Variants in CCDC148 observed in about 807,000 individuals in gnomAD.
CCDC148 encodes the protein coiled-coil domain containing 148, also known as coiled-coil domain-containing protein 148.
In CCDC148, 89 loss-of-function variants were observed where a neutral mutation model predicts 85.7. The observed-to-expected ratio is 1.04, with a 90% CI of 0.87 to 1.24. CCDC148 has a LOEUF of 1.24. Among genes scored for constraint, CCDC148 ranks in the 50% most tolerant of loss-of-function variants. The probability of loss-of-function intolerance (pLI) is 0.00; values close to 1 mark genes in which losing one functional copy is unlikely to be tolerated. For missense variants in CCDC148, 692 were observed against 671.7 expected, an observed-to-expected ratio of 1.03 and a Z score of -0.33; for synonymous variants, 230 against 213.9, an observed-to-expected ratio of 1.08 and a Z score of -0.66.
At chr2:158,255,680 T>A (rs928150494) in intron 9 of CCDC148, among the ~76,000 whole-genome samples, 1 of 151,746 alleles carries the variant, frequency 6.6e-6, no homozygotes, top group Non-Finnish European at 1.5e-5. Flanking sequence ...AACATTTTAG[T>A]AGTTTTATTT....
chr2:158,388,607 GC>G (rs1194598080), intron 1 of CCDC148, among the ~76,000 whole-genome samples: 1 of 152,008 alleles, frequency 6.6e-6, no homozygotes, highest in Non-Finnish European at 1.5e-5. Context: ...CGATTCTCCT[GC>G]CCCAGCCTCC....
chr2:158,348,688 G>A (rs1340449632), intron 2 of CCDC148, among the ~76,000 whole-genome samples: 1 of 151,874 alleles, frequency 6.6e-6, no homozygotes, highest in Non-Finnish European at 1.5e-5. Flanking sequence ...TCTGGCACAG[G>A]GGGTCATTTG....
At chr2:158,360,986 T>C (rs1683919271) in intron 1 of CCDC148, among the ~76,000 whole-genome samples, 2 of 151,758 alleles carry the variant, frequency 1.3e-5, no homozygotes, top group South Asian at 2.1e-4. Flanking sequence ...ATAAATGACC[T>C]GATGGAGCTG....
At chr2:158,234,320 T>C (rs6745985) in intron 10 of CCDC148, among the ~76,000 whole-genome samples, 12 of 152,176 alleles carry the variant, frequency 7.9e-5, no homozygotes, top group African/African-American at 2.4e-4. Context: ...CCTGCCTGGT[T>C]ATTTGAACTT....
intron 11 of CCDC148, among the ~76,000 whole-genome samples, chr2:158,217,370 G>GTATATATATATATATATATATA (rs1453254522): frequency 1.9e-3 from 143 of 75,438 alleles, no homozygotes; most frequent in African/African-American, 4.9e-3. Context: ...TTTTGTGTGT[G>GTATATATATATATATATATATA]TGTGTATATA....
chr2:158,301,862 G>A (rs1691458876), intron 9 of CCDC148, among the ~76,000 whole-genome samples: 1 of 152,216 alleles, frequency 6.6e-6, no homozygotes, highest in South Asian at 2.1e-4. Flanking sequence ...AGACTGAGAA[G>A]TCAGAAGTTC....
intron 1 of CCDC148, among the ~76,000 whole-genome samples, chr2:158,426,921 G>C (rs184762641): frequency 2.0e-5 from 3 of 152,258 alleles, no homozygotes; most frequent in Non-Finnish European, 2.9e-5. Flanking sequence ...CAACTTTAGG[G>C]ACTAGAAGGC....
intron 10 of CCDC148, among the ~76,000 whole-genome samples, chr2:158,228,463 C>T (rs1687672772): frequency 6.6e-6 from 1 of 152,122 alleles, no homozygotes. Context: ...GCTGGGTATA[C>T]ACCCAAAGGA....
At chr2:158,320,728 T>C (rs186954126) in intron 7 of CCDC148, among the ~76,000 whole-genome samples, 10 of 152,330 alleles carry the variant, frequency 6.6e-5, no homozygotes, top group Admixed American at 2.6e-4. Flanking sequence ...TCCAAATTAA[T>C]TTGATTTCAC....
intron 9 of CCDC148, among the ~76,000 whole-genome samples, chr2:158,287,099 C>T (rs1316574126): frequency 1.3e-5 from 2 of 152,082 alleles, no homozygotes; most frequent in Admixed American, 6.6e-5. Context: ...CCTATAAGCT[C>T]GTCAGATCTT....
chr2:158,233,784 ACT>A (rs1317735654), intron 10 of CCDC148, among the ~76,000 whole-genome samples: 1 of 151,908 alleles, frequency 6.6e-6, no homozygotes, highest in East Asian at 1.9e-4. Flanking sequence ...AGTCATTCCT[ACT>A]CTCAAAACCT....
At chr2:158,291,706 T>C (rs1690903461) in intron 9 of CCDC148, among the ~76,000 whole-genome samples, 1 of 152,244 alleles carries the variant, frequency 6.6e-6, no homozygotes, top group Non-Finnish European at 1.5e-5. Context: ...TTTATGTGTC[T>C]GCCTCCTCTA....
rs756484868 is a variant in CCDC148, at chr2:158,220,576, A to G, written c.1370+19T>C. ...CATTCACCACCTCCATTACCACACA[A>G]TTTTAAATTTTCTTTTACCTTTCTC... On this transcript the variant is annotated intron_variant, in intron 11 of 13. Coordinates refer to ENST00000283233, the MANE Select transcript of CCDC148 (RefSeq NM_138803.4). 1.3e-6 allele frequency: 2 copies of G among 1,565,924 alleles called. No homozygotes were observed. Among genetic ancestry groups the G allele is most frequent in the South Asian group, 2.3e-5 (2 of 87,710 alleles).
chr2:158,291,638 C>T (rs544163011), intron 9 of CCDC148, among the ~76,000 whole-genome samples: 10 of 152,200 alleles, frequency 6.6e-5, no homozygotes, highest in African/African-American at 1.2e-4. Context: ...TCTGTGCTCC[C>T]GTAATTCTTA....
intron 10 of CCDC148, among the ~76,000 whole-genome samples, chr2:158,243,273 T>C (rs1484949385): frequency 1.3e-5 from 2 of 152,106 alleles, no homozygotes; most frequent in Non-Finnish European, 2.9e-5. Context: ...TCAAGGGTCA[T>C]TCGTCCTTCT....
chr2:158,281,265 A>T (rs964597810), intron 9 of CCDC148, among the ~76,000 whole-genome samples: 1 of 152,160 alleles, frequency 6.6e-6, no homozygotes, highest in East Asian at 1.9e-4. Context: ...GAAGGCAAGA[A>T]ATAACGAAAA....
Position 158,340,159 on chromosome 2 carries a change from CAT to C in CCDC148, c.486+81_486+82del, listed in dbSNP as rs555091350. On this transcript the variant is annotated intron_variant, in intron 5 of 13. Transcript: ENST00000283233. ...AATATTAACTAATATACAGGTCACA[CAT>C]GTTTGTTTCTTATCTCAAACTCTTC... is the stretch of plus-strand genomic sequence containing the variant. 5,733 of 1,209,280 alleles carry C rather than the reference CAT, an allele frequency of 4.7e-3. 20 individuals are homozygous for C. The highest frequency in any genetic ancestry group is 5.9e-3 in the Non-Finnish European group (5,042 of 852,426). 74.9% of individuals were successfully genotyped at this position (1,209,280 alleles called of 1,614,324 possible).
chr2:158,192,542 C>T (rs1685473087), intron 11 of CCDC148, among the ~76,000 whole-genome samples: 1 of 151,992 alleles, frequency 6.6e-6, no homozygotes, highest in Admixed American at 6.6e-5. Flanking sequence ...CAAGCGTTGG[C>T]CATCTAGACA....
intron 11 of CCDC148, among the ~76,000 whole-genome samples, chr2:158,193,088 C>T (rs773317445): frequency 3.3e-5 from 5 of 152,012 alleles, no homozygotes; most frequent in Non-Finnish European, 5.9e-5. Context: ...CTTAAGGCCT[C>T]CTTTTGAATA....
Sources: gnomAD v4.1 joint callset for allele counts (sites outside exome capture counted in the v4.1 genomes callset) on GRCh38, gnomAD v4.1.1 for gene constraint, MANE v1.5 for transcripts, NCBI Gene and HGNC (gene_info 2026-07-23, HGNC 2026-07-21) for gene names.